Variants in TAF1A observed in about 807,000 individuals in gnomAD.
TAF1A encodes TATA box-binding protein-associated factor RNA polymerase I subunit A.
Under a neutral mutation model 61.6 loss-of-function variants are expected in TAF1A, and 42 were observed. That is an observed-to-expected ratio of 0.68 (90% CI 0.53 to 0.88). TAF1A has a LOEUF of 0.88. TAF1A is among the 40% of genes least tolerant of loss of function. TAF1A has a pLI of 0.00. For missense variants in TAF1A, 424 were observed against 518.7 expected (o/e 0.82, Z 1.77); for synonymous variants, 179 against 177.7 (o/e 1.01, Z -0.06).
At position 222,564,316 on chromosome 1, in the gene TAF1A, TAAAA is replaced by T. The variant is rs34892481; in HGVS notation, c.895-195_895-192del. On this transcript the variant is annotated intron_variant, in intron 7 of 10. Transcript: ENST00000352967. ...AAAAGCATTCTCTGTAAAGCTGTCT[TAAAA>T]AAAAAAAAAAAAAAAAGGCCCTGAT... Among the ~76,000 whole-genome samples the T allele has an allele frequency of 5.7e-3, 626 of 110,610 alleles. 6 individuals are homozygous for T. Among genetic ancestry groups the T allele is most frequent in the African/African-American group, 0.02 (585 of 28,934 alleles). 72.6% of individuals were successfully genotyped at this position (110,610 alleles called of 152,430 possible). A position where few individuals can be genotyped will look rare whatever the true frequency, so the allele number is the denominator to read the frequency against.
rs1424757948 is a variant in TAF1A, at chr1:222,569,504, C to A, written c.894+6G>T. On this transcript the variant is annotated splice_donor_region_variant and intron_variant, in intron 7 of 10. Coordinates refer to ENST00000352967, the MANE Select transcript of TAF1A (RefSeq NM_005681.4). ...CTGGTCAAACATCGAGATAAAAATT[C>A]TATACCTTAAGCACACTTATCAATT... 1 of 1,613,486 alleles carries A rather than the reference C, an allele frequency of 6.2e-7. No individual in the cohort carries two copies. The highest frequency in any genetic ancestry group is 1.3e-5 in the African/African-American group (1 of 74,856).
At chr1:222,581,389 A>G (rs1044397700) in intron 3 of TAF1A, among the ~76,000 whole-genome samples, 1 of 152,128 alleles carries the variant, frequency 6.6e-6, no homozygotes, top group African/African-American at 2.4e-5. Context: ...GCTCTAGAAG[A>G]TAACTAATTG....
At position 222,577,641 on chromosome 1, in the gene TAF1A, G is replaced by A. The variant is rs780898658; in HGVS notation, c.408C>T (p.Ile136=). The change falls in exon 5 of 11, where the codon ATC becomes ATT. Residue 136 remains isoleucine (I), a splice_region_variant and synonymous_variant. Coordinates refer to ENST00000352967, the MANE Select transcript of TAF1A (RefSeq NM_005681.4). The part of the protein sequence containing the change: ...KNIGVMNYLK[I]SLQHALYLLH... ...GAAGGTATAATGCATGTTGTAAGGAGATCTGCAAAAATAATAAGGGTACAC... is the reference window on the plus strand; with the variant it reads ...GAAGGTATAATGCATGTTGTAAGGAAATCTGCAAAAATAATAAGGGTACAC... 6.2e-7 allele frequency: 1 copy of A among 1,613,384 alleles called. No individual in the cohort carries two copies. Among genetic ancestry groups the A allele is most frequent in the Non-Finnish European group, 8.5e-7 (1 of 1,179,630 alleles).
rs1446558753 is a variant in TAF1A, at chr1:222,580,018, C to T, written c.292-146G>A. On this transcript the variant is annotated intron_variant, in intron 3 of 10. Transcript: ENST00000352967. ...CCGTCAACATTTTACTCTACTTTGC[C>T]ATGTAAAATTAATACTACTTCCTTA... The T allele has an allele frequency of 7.7e-6, 7 of 912,350 alleles. No individual in the cohort carries two copies. The African/African-American group carries it at 1.2e-4, about 15-fold the overall frequency. The allele number at this position is 912,350 out of a possible 1,614,324, so 56.5% of individuals were successfully genotyped here.
chr1:222,575,120 G>A (rs1373080498), intron 5 of TAF1A, among the ~76,000 whole-genome samples: 1 of 152,134 alleles, frequency 6.6e-6, no homozygotes, highest in Non-Finnish European at 1.5e-5. Flanking sequence ...AAACCAAACA[G>A]AGGCACTGGT....
At chr1:222,577,830 T>C (rs937124767) in intron 4 of TAF1A, among the ~76,000 whole-genome samples, 187 bp from the exon 5 acceptor site, 2 of 152,184 alleles carry the variant, frequency 1.3e-5, no homozygotes, top group Non-Finnish European at 2.9e-5. Flanking sequence ...TAACACTATG[T>C]AAATATGAGC....
chr1:222,582,987 C>G (rs565449013), intron 3 of TAF1A, among the ~76,000 whole-genome samples: 2 of 152,194 alleles, frequency 1.3e-5, no homozygotes, highest in African/African-American at 4.8e-5. Flanking sequence ...AGTTCAAGAC[C>G]TGCCTGGCCA....
intron 5 of TAF1A, among the ~76,000 whole-genome samples, chr1:222,576,299 AAAG>A (rs1215292022): frequency 1.2e-4 from 18 of 152,200 alleles, no homozygotes; most frequent in Non-Finnish European, 5.9e-5. Flanking sequence ...GAGTATCTTG[AAAG>A]AAGAGGGAAG....
downstream of TAF1A, among the ~76,000 whole-genome samples, chr1:222,555,749 T>C (rs183872460): frequency 8.5e-4 from 129 of 152,278 alleles, no homozygotes; most frequent in Non-Finnish European, 6.5e-4. Context: ...GGTAATTATG[T>C]AGAGGTAATG....
chr1:222,560,047 T>C (rs1036241597), intron 10 of TAF1A, among the ~76,000 whole-genome samples: 2 of 152,072 alleles, frequency 1.3e-5, no homozygotes, highest in African/African-American at 4.8e-5. Flanking sequence ...GGCAACCAAG[T>C]AGCTTCAATC....
intron 2 of TAF1A, among the ~76,000 whole-genome samples, chr1:222,585,771 AG>A (rs1210281469): frequency 6.6e-6 from 1 of 152,218 alleles, no homozygotes; most frequent in Non-Finnish European, 1.5e-5. Context: ...AGTACAACAA[AG>A]AGGAACATAA....
rs1318999154 is a variant in TAF1A, at chr1:222,564,044, A to T, written c.961+15T>A. 6.7e-7 allele frequency: 1 copy of T among 1,484,306 alleles called. No individual in the cohort carries two copies. The highest frequency in any genetic ancestry group is 1.7e-5 in the Admixed American group (1 of 58,270). The allele number at this position is 1,484,306 out of a possible 1,614,324, so 91.9% of individuals were successfully genotyped here. ...GCTTGTCTACACAAGGTATAAAACA[A>T]CATTTATTTATTACCTGATTTTCTA... On this transcript the variant is annotated intron_variant, in intron 8 of 10. Coordinates refer to ENST00000352967, the MANE Select transcript of TAF1A (RefSeq NM_005681.4).
intron 5 of TAF1A, among the ~76,000 whole-genome samples, chr1:222,571,573 C>T (rs1325768313): frequency 6.6e-6 from 1 of 151,794 alleles, no homozygotes; most frequent in African/African-American, 2.4e-5. Context: ...AACTGTATGT[C>T]TATACACTTG....
At chr1:222,577,679 C>T (rs1558150473) in intron 4 of TAF1A, 36 bp from the exon 5 acceptor site, 11 of 1,580,592 alleles carry the variant, frequency 7.0e-6, no homozygotes, top group Non-Finnish European at 9.6e-6. Flanking sequence ...CCATTTAAGC[C>T]ATTAGATAAC....
At chr1:222,579,991 T>G in intron 3 of TAF1A, 119 bp from the exon 4 acceptor site, 1 of 1,176,284 alleles carries the variant, frequency 8.5e-7, no homozygotes, top group African/African-American at 1.6e-5. Flanking sequence ...CAGAGACCAC[T>G]ACCGTCAACA....
At chr1:222,560,357 T>A (rs1046090626) in intron 10 of TAF1A, among the ~76,000 whole-genome samples, 7 of 152,190 alleles carry the variant, frequency 4.6e-5, no homozygotes, top group Admixed American at 3.3e-4. Context: ...TGATGCGATG[T>A]TCACATGATA....
intron 3 of TAF1A, among the ~76,000 whole-genome samples, chr1:222,582,169 G>A (rs1260055037): frequency 2.6e-5 from 4 of 152,122 alleles, no homozygotes; most frequent in South Asian, 2.1e-4. Flanking sequence ...TTTTGAATTC[G>A]GAATGCTCCA....
At chr1:222,583,310 G>C (rs779669702) in intron 3 of TAF1A, among the ~76,000 whole-genome samples, 2 of 152,078 alleles carry the variant, frequency 1.3e-5, no homozygotes, top group East Asian at 3.9e-4. Context: ...AGAAAAAAAA[G>C]GTTCTAAATT....
chr1:222,575,833 C>T (rs1660552115), intron 5 of TAF1A, among the ~76,000 whole-genome samples: 1 of 152,232 alleles, frequency 6.6e-6, no homozygotes, highest in Non-Finnish European at 1.5e-5. Flanking sequence ...ACTGAACCAT[C>T]TATCCACAAG....
Sources: gnomAD v4.1 joint callset for allele counts (sites outside exome capture counted in the v4.1 genomes callset) on GRCh38, gnomAD v4.1.1 for gene constraint, MANE v1.5 for transcripts, NCBI Gene and HGNC (gene_info 2026-07-23, HGNC 2026-07-21) for gene names.